Variants in UBTD1 observed in about 807,000 individuals in gnomAD.
UBTD1 encodes the protein ubiquitin domain-containing protein 1.
A neutral mutation model predicts 21.7 loss-of-function variants in UBTD1; 19 were observed. That is an observed-to-expected ratio of 0.87 (90% CI 0.61 to 1.28). The LOEUF (loss-of-function observed/expected upper bound fraction) is 1.28. Among genes scored for constraint, UBTD1 ranks in the 50% most tolerant of loss-of-function variants. The pLI, the probability that UBTD1 is intolerant of heterozygous loss-of-function variation, is 0.00. For missense variants in UBTD1, 282 were observed against 315.1 expected (o/e 0.89, Z 0.80); for synonymous variants, 116 against 135.1 (o/e 0.86, Z 0.98).
chr10:97,570,267 C>G lies in UBTD1; in HGVS notation c.428C>G (p.Pro143Arg). The G allele has an allele frequency of 6.2e-7, 1 of 1,613,198 alleles. No individual in the cohort carries two copies. Among genetic ancestry groups the G allele is most frequent in the Non-Finnish European group, 8.5e-7 (1 of 1,179,998 alleles). Residue 143 changes from proline (P) to arginine (R), a missense_variant, in exon 3 of 3, where the codon CCC becomes CGC. By Grantham distance (103) the Pro-to-Arg change is moderately radical (BLOSUM62 -2). Transcript: ENST00000370664. This position sits in a 1 kb window ranked among gnomAD's most constrained non-coding sequence, Gnocchi z 6.6. ...EESLEPPEPP[P>R]SVRREFPLKV... ...AGCCTGGAGCCCCCCGAGCCTCCAC[C>G]CAGCGTGCGCCGTGAGTTCCCGCTG...
intron 2 of UBTD1, 43 bp downstream of exon 2, chr10:97,568,184 G>T: frequency 1.2e-6 from 2 of 1,601,802 alleles, no homozygotes; most frequent in Non-Finnish European, 1.7e-6. Flanking sequence ...TGGAGCTAGG[G>T]GGTCACCAGC....
At chr10:97,538,614 G>A (rs942235985) in intron 1 of UBTD1, among the ~76,000 whole-genome samples, 2 of 152,220 alleles carry the variant, frequency 1.3e-5, no homozygotes, top group East Asian at 3.9e-4. Flanking sequence ...CACCGTGCCT[G>A]GCACTGGTAG....
chr10:97,555,208 C>T (rs947682869), intron 1 of UBTD1, among the ~76,000 whole-genome samples: 1 of 152,154 alleles, frequency 6.6e-6, no homozygotes, highest in African/African-American at 2.4e-5. Context: ...TCAAAGCTCT[C>T]ATTAGGGGGT....
chr10:97,557,928 A>G (rs1036148386), intron 1 of UBTD1, among the ~76,000 whole-genome samples: 3 of 152,214 alleles, frequency 2.0e-5, no homozygotes, highest in Non-Finnish European at 4.4e-5. Context: ...CTTGATATAT[A>G]TACTGGAAAC....
chr10:97,533,922 C>CA (rs1162758439), intron 1 of UBTD1, among the ~76,000 whole-genome samples: 1,644 of 109,904 alleles, frequency 0.015, 8 homozygotes, highest in Middle Eastern at 0.051. Context: ...GACTCCATCT[C>CA]AAAAAAAAAA....
intron 1 of UBTD1, among the ~76,000 whole-genome samples, chr10:97,549,834 C>T (rs1216638294): frequency 3.3e-5 from 5 of 152,218 alleles, no homozygotes; most frequent in Non-Finnish European, 2.9e-5. Flanking sequence ...CAAAAGTTAC[C>T]TAGGCTCTGA....
intron 1 of UBTD1, among the ~76,000 whole-genome samples, chr10:97,554,939 C>T (rs1018285678): frequency 6.6e-6 from 1 of 152,156 alleles, no homozygotes; most frequent in Non-Finnish European, 1.5e-5. Context: ...ACAGCTTGGT[C>T]GTGCCCTTTC....
chr10:97,500,835 A>C (rs2040373239), intron 1 of UBTD1, among the ~76,000 whole-genome samples: 1 of 152,118 alleles, frequency 6.6e-6, no homozygotes, highest in Non-Finnish European at 1.5e-5. Context: ...CTATGCTTAA[A>C]CTTCAGCTCT....
chr10:97,563,791 C>T (rs532451221), intron 1 of UBTD1, among the ~76,000 whole-genome samples: 5 of 151,966 alleles, frequency 3.3e-5, no homozygotes, highest in Admixed American at 1.3e-4. Context: ...GGGTGCAGTC[C>T]GAGTGGGTGG....
At chr10:97,540,046 CTG>C in intron 1 of UBTD1, among the ~76,000 whole-genome samples, 1 of 152,326 alleles carries the variant, frequency 6.6e-6, no homozygotes, top group South Asian at 2.1e-4. Flanking sequence ...GGAACCTTCT[CTG>C]AGGAAGGGGG....
At chr10:97,563,012 AAACTG>A (rs1490905292) in intron 1 of UBTD1, among the ~76,000 whole-genome samples, 1 of 152,154 alleles carries the variant, frequency 6.6e-6, no homozygotes, top group Non-Finnish European at 1.5e-5. Flanking sequence ...GGGAGAGATT[AAACTG>A]AAGAAAGATT....
rs183037186 is a variant in UBTD1 at position 97,557,069 on chromosome 10, G to A, written c.71-10845G>A. Among the ~76,000 whole-genome samples, 565 of 152,254 alleles carry A rather than the reference G, an allele frequency of 3.7e-3. 4 individuals carry two copies. Among genetic ancestry groups the A allele is most frequent in the Non-Finnish European group, 5.4e-3 (365 of 68,018 alleles). ...GGGGCTAAGAATTCATCAGGAACTG[G>A]GTCTGTAGGAACTAAGTGTCGGACT... is the stretch of plus-strand genomic sequence containing the variant. On this transcript the variant is annotated intron_variant, in intron 1 of 2. Transcript: ENST00000370664.
chr10:97,544,762 G>A (rs1297504474), intron 1 of UBTD1, among the ~76,000 whole-genome samples: 1 of 152,168 alleles, frequency 6.6e-6, no homozygotes, highest in Non-Finnish European at 1.5e-5. Flanking sequence ...AGACTGAGGC[G>A]GGAGGATCAC....
chr10:97,506,146 G>A (rs2040398831), intron 1 of UBTD1, among the ~76,000 whole-genome samples: 2 of 152,150 alleles, frequency 1.3e-5, no homozygotes, highest in African/African-American at 4.8e-5. Context: ...GGTGGGGGAG[G>A]GACCTAGTGG....
intron 1 of UBTD1, among the ~76,000 whole-genome samples, chr10:97,561,472 C>T (rs1013242559): frequency 1.3e-5 from 2 of 152,128 alleles, no homozygotes; most frequent in African/African-American, 4.8e-5. Context: ...GGGCTCACAA[C>T]ACTAAAGATT....
At chr10:97,528,147 C>T (rs560304672) in intron 1 of UBTD1, among the ~76,000 whole-genome samples, 1,372 of 88,680 alleles carry the variant, frequency 0.015, 50 homozygotes, top group African/African-American at 0.067. Context: ...ACCTCCCTCC[C>T]GGACGGGGCG....
chr10:97,541,610 G>A (rs897250239), intron 1 of UBTD1, among the ~76,000 whole-genome samples: 6 of 152,074 alleles, frequency 3.9e-5, no homozygotes, highest in African/African-American at 1.2e-4. Flanking sequence ...CCCTCTAGGT[G>A]GATATTAGGA....
intron 1 of UBTD1, among the ~76,000 whole-genome samples, chr10:97,565,647 C>G (rs1374640351): frequency 6.6e-6 from 1 of 152,034 alleles, no homozygotes; most frequent in South Asian, 2.1e-4. Flanking sequence ...GTGACCTTGT[C>G]TCTCAAACAG....
chr10:97,516,554 T>A (rs2040445387), intron 1 of UBTD1, among the ~76,000 whole-genome samples: 1 of 151,768 alleles, frequency 6.6e-6, no homozygotes, highest in Non-Finnish European at 1.5e-5. Context: ...GGCGGGTGGA[T>A]CACTAGGTCA....
Sources: gnomAD v4.1 joint callset for allele counts (sites outside exome capture counted in the v4.1 genomes callset) on GRCh38, gnomAD v4.1.1 for gene constraint, Gnocchi (gnomAD v3.1) non-coding constraint, MANE v1.5 for transcripts, NCBI Gene and HGNC (gene_info 2026-07-23, HGNC 2026-07-21) for gene names.